Variants in FKBP4 observed in about 807,000 individuals in gnomAD.
FKBP4 encodes peptidyl-prolyl cis-trans isomerase FKBP4.
A neutral mutation model predicts 54.1 loss-of-function variants in FKBP4; 28 were observed. The observed-to-expected ratio is 0.52, with a 90% confidence interval of 0.38 to 0.71. The LOEUF (loss-of-function observed/expected upper bound fraction) is 0.71, where lower values mean the gene tolerates loss of function less well. Ranked by LOEUF, FKBP4 falls within the 30% of genes least tolerant of loss-of-function variation. The probability of loss-of-function intolerance (pLI) is 0.00; values close to 1 mark genes in which losing one functional copy is unlikely to be tolerated. For synonymous variants in FKBP4, 223 were observed against 216.1 expected, an observed-to-expected ratio of 1.03 and a Z score of -0.28; for missense variants, 493 against 574.4, an observed-to-expected ratio of 0.86 and a Z score of 1.45.
chr12:2,796,911 C>G, intron 1 of FKBP4: 2 of 1,348,448 alleles, frequency 1.5e-6, no homozygotes, highest in Non-Finnish European at 1.9e-6. Flanking sequence ...ATCTCTCAGC[C>G]TTTTGTCTCC....
rs577980210 is a variant in FKBP4, at chr12:2,794,999, G to C, written c.-141G>C. ...CCCCAGCTCTCGCGCCGCGTGCAGA[G>C]GTGCTCAAGCCTCCTCGCGGTCCGC... On this transcript the variant is annotated 5_prime_UTR_variant, in exon 1 of 10. Coordinates refer to ENST00000001008, the MANE Select transcript of FKBP4 (RefSeq NM_002014.4). 39 of 370,564 alleles carry C rather than the reference G, an allele frequency of 1.1e-4. No homozygotes were observed. Among genetic ancestry groups the C allele is most frequent in the African/African-American group, 7.1e-4 (33 of 46,772 alleles). 23.0% of individuals were successfully genotyped at this position (370,564 alleles called of 1,614,324 possible).
rs558571891 is a variant in FKBP4, at chr12:2,805,270, C to T, written c.*2012C>T. On this transcript the variant is annotated 3_prime_UTR_variant, in exon 10 of 10. Transcript: ENST00000001008. ...TTGGCAAGTCCTGGGCTTCTGTCCTCATCTGCAAAATCGAAAGCATTCCTG... is the reference window on the plus strand; with the variant it reads ...TTGGCAAGTCCTGGGCTTCTGTCCTTATCTGCAAAATCGAAAGCATTCCTG... 132 of 432,682 alleles carry T rather than the reference C, an allele frequency of 3.1e-4. 3 individuals are homozygous for T. Among genetic ancestry groups the T allele is most frequent in the Middle Eastern group, 2.4e-3 (7 of 2,946 alleles). 26.8% of individuals were successfully genotyped at this position (432,682 alleles called of 1,614,324 possible). A position where few individuals can be genotyped will look rare whatever the true frequency, so the allele number is the denominator to read the frequency against.
intron 9 of FKBP4, among the ~76,000 whole-genome samples, chr12:2,802,842 C>T (rs981925766): frequency 1.3e-5 from 2 of 152,334 alleles, no homozygotes; most frequent in Admixed American, 6.5e-5. Context: ...ATCCTCTTGT[C>T]TCAGCCTCCC....
chr12:2,805,178 C>G lies in FKBP4; in HGVS notation c.*1920C>G, dbSNP rs767909925. The G allele has an allele frequency of 2.2e-6, 1 of 455,872 alleles. No homozygotes were observed. The highest frequency in any genetic ancestry group is 2.4e-5 in the Admixed American group (1 of 42,544). The allele number at this position is 455,872 out of a possible 1,614,324, so 28.2% of individuals were successfully genotyped here. A position where few individuals can be genotyped will look rare whatever the true frequency, so the allele number is the denominator to read the frequency against. On this transcript the variant is annotated 3_prime_UTR_variant, in exon 10 of 10. Transcript: ENST00000001008. ...TAACCCTATTTACAGATAAGAAAACCAAGACTCAGAAGTTAAATGGAAAGG... is the reference window on the plus strand; with the variant it reads ...TAACCCTATTTACAGATAAGAAAACGAAGACTCAGAAGTTAAATGGAAAGG...
chr12:2,798,929 T>A lies in FKBP4; in HGVS notation c.514+103T>A. ...TTCTCCGAGCCTATCTTCTTGTCCA[T>A]AAAATGAGGGGTTGGACCATATTCT... On this transcript the variant is annotated intron_variant, in intron 4 of 9. Transcript: ENST00000001008. This position sits in a 1 kb window ranked among gnomAD's most constrained non-coding sequence, Gnocchi z 4.3. 1 of 1,445,942 alleles carries A rather than the reference T, an allele frequency of 6.9e-7. No individual in the cohort carries two copies. The highest frequency in any genetic ancestry group is 9.6e-7 in the Non-Finnish European group (1 of 1,046,320). The allele number at this position is 1,445,942 out of a possible 1,614,324, so 89.6% of individuals were successfully genotyped here.
Position 2,805,228 on chromosome 12 carries a change from T to C in FKBP4, c.*1970T>C. The C allele has an allele frequency of 4.4e-6, 2 of 454,630 alleles. No homozygotes were observed. The highest frequency in any genetic ancestry group is 1.6e-5 in the South Asian group (1 of 64,204). 28.2% of individuals were successfully genotyped at this position (454,630 alleles called of 1,614,324 possible). A position where few individuals can be genotyped will look rare whatever the true frequency, so the allele number is the denominator to read the frequency against. On this transcript the variant is annotated 3_prime_UTR_variant, in exon 10 of 10. Coordinates refer to ENST00000001008, the MANE Select transcript of FKBP4 (RefSeq NM_002014.4). ...GTGAGGTCTCTGAACTAATCCAGAC[T>C]CTCCCATGAGGTTCCTTTGGCAAGT...
At chr12:2,801,731 G>A (rs1361729748) in intron 9 of FKBP4, 1 of 364,784 alleles carries the variant, frequency 2.7e-6, no homozygotes, top group East Asian at 7.6e-5. Context: ...CCCAGCCTGA[G>A]TGACAAAATG....
rs2097906656 is a variant in FKBP4 at position 2,804,822 on chromosome 12, T to A, written c.*1564T>A. 5.8e-6 allele frequency: 1 copy of A among 171,064 alleles called. No individual in the cohort carries two copies. Among genetic ancestry groups the A allele is most frequent in the Non-Finnish European group, 1.2e-5 (1 of 80,182 alleles). 10.6% of individuals were successfully genotyped at this position (171,064 alleles called of 1,614,324 possible). ...ATTGGGGTGTACAAGTCTCCCAGTG[T>A]GAGTATCCCTTGAGCCCAAGACACC... On this transcript the variant is annotated 3_prime_UTR_variant, in exon 10 of 10. Coordinates refer to ENST00000001008, the MANE Select transcript of FKBP4 (RefSeq NM_002014.4).
chr12:2,800,168 C>T, intron 7 of FKBP4, 46 bp downstream of exon 7: 1 of 1,585,924 alleles, frequency 6.3e-7, no homozygotes, highest in Middle Eastern at 2.1e-4. Context: ...GGAAGAGTTG[C>T]TCTGAGCCTC....
At position 2,799,913 on chromosome 12, in the gene FKBP4, T is replaced by C. The variant is rs151186423; in HGVS notation, c.735T>C (p.Tyr245=). 5.3e-5 allele frequency: 85 copies of C among 1,614,070 alleles called. No homozygotes were observed. Among genetic ancestry groups the C allele is most frequent in the Non-Finnish European group, 7.0e-5 (83 of 1,180,026 alleles). ...FQIPPNAELK[Y]ELHLKSFEKA... ...TCCCACCAAATGCTGAGCTGAAATATGAATTACACCTCAAGAGTTTTGAAA... is the reference window on the plus strand; with the variant it reads ...TCCCACCAAATGCTGAGCTGAAATACGAATTACACCTCAAGAGTTTTGAAA... The change falls in exon 6 of 10, where the codon TAT becomes TAC. Residue 245 remains tyrosine, a synonymous_variant. Coordinates refer to ENST00000001008, the MANE Select transcript of FKBP4 (RefSeq NM_002014.4).
In FKBP4 at chr12:2,800,583, G is replaced by A. The variant is rs1178158769; in HGVS notation, c.1032+6G>A. ...CCATTGAAAGCTGTAACAAGGTGAG[G>A]CCCCCTCAGAGGTCATGGAAGCAGC... On this transcript the variant is annotated splice_donor_region_variant and intron_variant, in intron 8 of 9. Transcript: ENST00000001008. The A allele has an allele frequency of 1.2e-6, 2 of 1,601,938 alleles. No individual in the cohort carries two copies. Among genetic ancestry groups the A allele is most frequent in the African/African-American group, 1.3e-5 (1 of 74,564 alleles).
chr12:2,799,202 G>A lies in FKBP4; in HGVS notation c.629G>A (p.Arg210His), dbSNP rs766142249. The A allele has an allele frequency of 2.2e-5, 34 of 1,572,554 alleles. No individual in the cohort carries two copies. Among genetic ancestry groups the A allele is most frequent in the South Asian group, 7.1e-5 (6 of 84,146 alleles). ...TATGGTCTGGAGAGGGCCATTCAGC[G>A]CATGGAGAAAGGAGAACATTCCATC... is the stretch of plus-strand genomic sequence containing the variant. ...LPYGLERAIQ[R>H]MEKGEHSIVY... Residue 210 changes from arginine to histidine, a missense_variant, in exon 5 of 10, where the codon CGC becomes CAC. Coordinates refer to ENST00000001008, the MANE Select transcript of FKBP4 (RefSeq NM_002014.4).
At chr12:2,799,965 T>A in intron 6 of FKBP4, 25 bp downstream of exon 6, 1 of 1,613,606 alleles carries the variant, frequency 6.2e-7, no homozygotes, top group Non-Finnish European at 8.5e-7. Context: ...GGTCTTCCCA[T>A]CTAAAGTCAA....
At chr12:2,797,112 A>T (rs2097902279) in intron 1 of FKBP4, 26 bp from the exon 2 acceptor site, 1 of 1,611,494 alleles carries the variant, frequency 6.2e-7, no homozygotes, top group Admixed American at 1.7e-5. Flanking sequence ...ACCCTGGGGT[A>T]CTCACTTTCT....
chr12:2,803,497 C>A lies in FKBP4; in HGVS notation c.*239C>A. 1 of 494,818 alleles carries A rather than the reference C, an allele frequency of 2.0e-6. No homozygotes were observed. Among genetic ancestry groups the A allele is most frequent in the South Asian group, 2.8e-5 (1 of 36,362 alleles). 30.7% of individuals were successfully genotyped at this position (494,818 alleles called of 1,614,324 possible). ...CCATTGCACATGAACATATGTCCAT[C>A]CATATATATTCATCAGAATGTTAAT... On this transcript the variant is annotated 3_prime_UTR_variant, in exon 10 of 10. Transcript: ENST00000001008.
At chr12:2,799,290 A>G in intron 5 of FKBP4, 46 bp downstream of exon 5, 2 of 1,461,732 alleles carry the variant, frequency 1.4e-6, no homozygotes, top group Middle Eastern at 1.8e-4. Flanking sequence ...GCAAACCAAG[A>G]TCAAAGATAT....
rs375903130 is a variant in FKBP4, at chr12:2,798,092, A to G, written c.393+221A>G. Among the ~76,000 whole-genome samples the G allele has an allele frequency of 1.1e-4, 16 of 152,322 alleles. No individual in the cohort carries two copies. Among genetic ancestry groups the G allele is most frequent in the African/African-American group, 3.8e-4 (16 of 41,570 alleles). On this transcript the variant is annotated intron_variant, in intron 3 of 9. Transcript: ENST00000001008. The surrounding 1 kb of genome is among the most constrained non-coding windows in gnomAD (Gnocchi z 4.3). Reference sequence around the variant, plus strand: ...CAGGCACAAGCCCCTCTCCAGACTCAAAGCATGGTCAGGGTTAAGGCATCT... The same window carrying G: ...CAGGCACAAGCCCCTCTCCAGACTCGAAGCATGGTCAGGGTTAAGGCATCT...
At position 2,800,592 on chromosome 12, in the gene FKBP4, G is replaced by T; in HGVS notation, c.1032+15G>T. 6.3e-7 allele frequency: 1 copy of T among 1,581,284 alleles called. No homozygotes were observed. On this transcript the variant is annotated intron_variant, in intron 8 of 9. Coordinates refer to ENST00000001008, the MANE Select transcript of FKBP4 (RefSeq NM_002014.4). Reference sequence around the variant, plus strand: ...GCTGTAACAAGGTGAGGCCCCCTCAGAGGTCATGGAAGCAGCATTCACAGG... The same window carrying T: ...GCTGTAACAAGGTGAGGCCCCCTCATAGGTCATGGAAGCAGCATTCACAGG...
chr12:2,797,216 T>C lies in FKBP4; in HGVS notation c.184T>C (p.Leu62=), dbSNP rs1186323447. The part of the protein sequence containing the change: ...RVFVHYTGWL[L]DGTKFDSSLD... ...CTTTGTCCACTACACTGGCTGGCTATTAGATGGCACAAAGTTTGACTCCAG... is the reference window on the plus strand; with the variant it reads ...CTTTGTCCACTACACTGGCTGGCTACTAGATGGCACAAAGTTTGACTCCAG... The change falls in exon 2 of 10, where the codon TTA becomes CTA. Residue 62 remains leucine (L), a synonymous_variant. Coordinates refer to ENST00000001008, the MANE Select transcript of FKBP4 (RefSeq NM_002014.4). The C allele has an allele frequency of 1.9e-6, 3 of 1,613,928 alleles. No individual in the cohort carries two copies. The highest frequency in any genetic ancestry group is 2.5e-6 in the Non-Finnish European group (3 of 1,179,874).
Sources: allele counts gnomAD v4.1 joint callset (sites outside exome capture counted in the v4.1 genomes callset), GRCh38; gene constraint gnomAD v4.1.1; non-coding constraint Gnocchi (gnomAD v3.1); transcripts MANE v1.5; gene names NCBI Gene and HGNC (gene_info 2026-07-23, HGNC 2026-07-21).